The following USP9X variants were observed in gnomAD, a reference collection of about 807,000 sequenced individuals.
The protein encoded by USP9X is ubiquitin specific peptidase 9 X-linked.
A neutral mutation model predicts 190.3 loss-of-function variants in USP9X; 7 were observed. That is an observed-to-expected ratio of 0.04 (90% CI 0.02 to 0.07). The LOEUF (loss-of-function observed/expected upper bound fraction) is 0.07, where lower values mean the gene tolerates loss of function less well. USP9X is among the 10% of genes least tolerant of loss of function. USP9X has a pLI of 1.00. For missense variants in USP9X, 1,010 were observed against 1,916.9 expected, an observed-to-expected ratio of 0.53 and a Z score of 8.83; for synonymous variants, 645 against 659.5, an observed-to-expected ratio of 0.98 and a Z score of 0.34.
At chrX:41,223,989 G>A (rs945872809) in intron 39 of USP9X, among the ~76,000 whole-genome samples, 2 of 111,043 alleles carry the variant, frequency 1.8e-5, no homozygotes, top group African/African-American at 6.6e-5. Context: ...AGAATCACTT[G>A]AGCTGAAGAG....
chrX:41,137,049 TAAATA>T (rs745801020), intron 6 of USP9X, 27 bp downstream of exon 6: 17 of 1,144,034 alleles, frequency 1.5e-5, no homozygotes, highest in Admixed American at 1.3e-4. Context: ...TTTTCAAAAT[TAAATA>T]ATACAATTGT....
At chrX:41,186,196 A>G (rs1382130273) in intron 23 of USP9X, among the ~76,000 whole-genome samples, 3 of 111,286 alleles carry the variant, frequency 2.7e-5, no homozygotes, top group African/African-American at 9.8e-5. Context: ...TAAAAGATGT[A>G]CAATACTTTA....
chrX:41,218,802 C>T (rs2063235544), intron 37 of USP9X, among the ~76,000 whole-genome samples: 2 of 112,217 alleles, frequency 1.8e-5, no homozygotes, highest in Middle Eastern at 4.6e-3. Context: ...AGAGAATTTT[C>T]TCTGTTCGGT....
At chrX:41,106,032 C>T (rs1486347939) in intron 1 of USP9X, among the ~76,000 whole-genome samples, 1 of 112,129 alleles carries the variant, frequency 8.9e-6, no homozygotes, top group Non-Finnish European at 1.9e-5. Flanking sequence ...AAGTCCCTTA[C>T]TGGATACATT....
intron 11 of USP9X, among the ~76,000 whole-genome samples, chrX:41,147,602 C>T (rs1304740810): frequency 3.7e-5 from 4 of 109,510 alleles, no homozygotes; most frequent in Non-Finnish European, 5.7e-5. Flanking sequence ...TACAGGCATG[C>T]GCCACCACGC....
chrX:41,183,341 A>G (rs975182271), intron 21 of USP9X, among the ~76,000 whole-genome samples: 8 of 111,219 alleles, frequency 7.2e-5, no homozygotes, highest in Non-Finnish European at 1.5e-4. Context: ...TCATCAAAAT[A>G]CTTTCCAAGG....
chrX:41,127,318 G>A (rs2062264210), intron 2 of USP9X, among the ~76,000 whole-genome samples: 2 of 111,267 alleles, frequency 1.8e-5, no homozygotes, highest in Non-Finnish European at 3.8e-5. Context: ...TAGATATATT[G>A]AATGGAAAAG....
Position 41,166,052 on chromosome X carries a change from T to G in USP9X, c.2166T>G (p.Ser722Arg). Residue 722 changes from serine (S) to arginine (R), a missense_variant, in exon 16 of 45, where the codon AGT becomes AGG. Physicochemically the swap from Ser to Arg is moderately radical, Grantham distance 110 (BLOSUM62 -1). Transcript: ENST00000378308. ...DPDINKDFFE[S>R]NVLQLDPSLL... ...ATATTAATAAGGACTTCTTTGAAAG[T>G]AATGTGCTTCAGCTTGATCCTTCTC... 1 of 1,211,654 alleles carries G rather than the reference T, an allele frequency of 8.3e-7. No homozygotes were observed. Among genetic ancestry groups the G allele is most frequent in the Non-Finnish European group, 1.1e-6 (1 of 895,483 alleles).
chrX:41,216,201 G>C lies in USP9X; in HGVS notation c.5634G>C (p.Gly1878=). The change falls in exon 35 of 45, where the codon GGG becomes GGC. Residue 1878 remains glycine (G), a synonymous_variant. Transcript: ENST00000378308. ...TACACAGTGGTCAAGCGAGTGGGGGGCATTATTATTCTTACATCATCCAAA... is the reference window on the plus strand; with the variant it reads ...TACACAGTGGTCAAGCGAGTGGGGGCCATTATTATTCTTACATCATCCAAA... ...VLVHSGQASG[G]HYYSYIIQRN... is the part of the protein sequence containing the mutation. The C allele has an allele frequency of 8.3e-7, 1 of 1,211,504 alleles. No homozygotes were observed. The highest frequency in any genetic ancestry group is 1.1e-6 in the Non-Finnish European group (1 of 895,456).
At chrX:41,207,912 T>G (rs2063119737) in intron 32 of USP9X, among the ~76,000 whole-genome samples, 1 of 110,993 alleles carries the variant, frequency 9.0e-6, no homozygotes, top group Non-Finnish European at 1.9e-5. Context: ...CTCCCTCCTC[T>G]CTGACTATTT....
intron 14 of USP9X, among the ~76,000 whole-genome samples, chrX:41,154,034 C>T (rs760816792): frequency 9.0e-6 from 1 of 111,678 alleles, no homozygotes; most frequent in South Asian, 3.7e-4. Context: ...TTGCTTAATA[C>T]TTATGTACAT....
chrX:41,098,865 TGTATA>T (rs1601931183), intron 1 of USP9X, among the ~76,000 whole-genome samples: 1 of 108,467 alleles, frequency 9.2e-6, no homozygotes, highest in African/African-American at 3.4e-5. Flanking sequence ...TTTTCATTAC[TGTATA>T]GTATTGTATT....
chrX:41,143,549 C>A, intron 10 of USP9X, 106 bp downstream of exon 10: 1 of 691,789 alleles, frequency 1.4e-6, no homozygotes, highest in Non-Finnish European at 2.0e-6. Context: ...TATTGTTTGA[C>A]TTTGAGAACG....
Position 41,233,450 on chromosome X carries a change from A to C in USP9X, c.*926A>C, listed in dbSNP as rs1333735250. ...TAAAGATTTAAAACAAATATGCAAAAATTTGCTATGCCAAGATGCTGGAGC... is the reference window on the plus strand; with the variant it reads ...TAAAGATTTAAAACAAATATGCAAACATTTGCTATGCCAAGATGCTGGAGC... On this transcript the variant is annotated 3_prime_UTR_variant, in exon 45 of 45. Coordinates refer to ENST00000378308, the MANE Select transcript of USP9X (RefSeq NM_001039591.3). The C allele has an allele frequency of 8.9e-6, 1 of 112,546 alleles. No individual in the cohort carries two copies. The highest frequency in any genetic ancestry group is 3.2e-5 in the African/African-American group (1 of 30,956). The allele number at this position is 112,546 out of a possible 1,213,427, so 9.3% of individuals were successfully genotyped here.
intron 34 of USP9X, among the ~76,000 whole-genome samples, chrX:41,215,101 C>G (rs1392465375): frequency 8.9e-6 from 1 of 112,158 alleles, no homozygotes; most frequent in Admixed American, 9.4e-5. Context: ...CTTGTCAAGA[C>G]CAAAACATTT....
chrX:41,146,494 T>TAAG (rs1197196922), intron 11 of USP9X, among the ~76,000 whole-genome samples: 1 of 111,859 alleles, frequency 8.9e-6, no homozygotes, highest in Non-Finnish European at 1.9e-5. Context: ...ATTTGAGTTC[T>TAAG]AAGTAAGTTT....
rs754533148 is a variant in USP9X, at chrX:41,102,873, A to C, written c.-159+16764A>C. ...AGTGGTGCAATCTTGGCTCACTGCA[A>C]CCTCCACCTCCTGGGTTCAAACAAT... On this transcript the variant is annotated intron_variant, in intron 1 of 44. Coordinates refer to ENST00000378308, the MANE Select transcript of USP9X (RefSeq NM_001039591.3). Among the ~76,000 whole-genome samples, 3 of 108,824 alleles carry C rather than the reference A, an allele frequency of 2.8e-5. No individual in the cohort carries two copies. The South Asian group carries it at 1.2e-3, about 45-fold the overall frequency. 94.5% of individuals were successfully genotyped at this position (108,824 alleles called of 115,157 possible).
chrX:41,138,265 C>T (rs1016035488), intron 6 of USP9X, among the ~76,000 whole-genome samples: 1 of 111,347 alleles, frequency 9.0e-6, no homozygotes, highest in East Asian at 2.8e-4. Flanking sequence ...CATCTTCAAC[C>T]ATGTCCTAGT....
chrX:41,232,819 T>TACA lies in USP9X; in HGVS notation c.*295_*296insACA. On this transcript the variant is annotated 3_prime_UTR_variant, in exon 45 of 45. Transcript: ENST00000378308. ...CTTAAGCAAGAAACTTTTTTCTTGA[T>TACA]GAGACTCACAGATCTACACAAACTA... is the stretch of plus-strand genomic sequence containing the variant. 1 of 105,999 alleles carries TACA rather than the reference T, an allele frequency of 9.4e-6. No homozygotes were observed. The highest frequency in any genetic ancestry group is 1.8e-5 in the Non-Finnish European group (1 of 54,400). 8.7% of individuals were successfully genotyped at this position (105,999 alleles called of 1,213,427 possible).
Sources: gnomAD v4.1 joint callset for allele counts (sites outside exome capture counted in the v4.1 genomes callset) on GRCh38, gnomAD v4.1.1 for gene constraint, MANE v1.5 for transcripts, NCBI Gene and HGNC (gene_info 2026-07-23, HGNC 2026-07-21) for gene names.